Variants in SUPT3H observed in about 807,000 individuals in gnomAD.
SUPT3H encodes the protein transcription initiation protein SPT3 homolog.
SUPT3H carries 44 observed loss-of-function variants against 44.3 expected under a neutral mutation model. The ratio of observed to expected loss-of-function variants is 0.99; its 90% CI spans 0.78 to 1.28. The LOEUF is 1.28. SUPT3H is among the 50% of genes most tolerant of loss of function. The pLI, the probability that SUPT3H is intolerant of heterozygous loss-of-function variation, is 0.00. For synonymous variants in SUPT3H, 124 were observed against 125.6 expected (o/e 0.99, Z 0.09); for missense variants, 380 against 387.1 (o/e 0.98, Z 0.15).
chr6:45,105,154 G>A lies in SUPT3H; in HGVS notation c.186+768C>T, dbSNP rs557127810. Reference sequence around the variant, plus strand: ...TAAAGAAGGCATTTCAAATCACTAAGGAAAAGATAAATTTTAAAATACATG... The same window carrying A: ...TAAAGAAGGCATTTCAAATCACTAAAGAAAAGATAAATTTTAAAATACATG... On this transcript the variant is annotated intron_variant, in intron 3 of 10. Coordinates refer to ENST00000371459, the MANE Select transcript of SUPT3H (RefSeq NM_003599.4). 4.2e-4 allele frequency among the ~76,000 whole-genome samples: 63 copies of A among 151,728 alleles called. 1 individual carries two copies. The highest frequency in any genetic ancestry group is 7.4e-5 in the Non-Finnish European group (5 of 67,860).
intron 2 of SUPT3H, among the ~76,000 whole-genome samples, chr6:45,314,173 C>A (rs946605582): frequency 2.0e-5 from 3 of 152,094 alleles, no homozygotes; most frequent in Non-Finnish European, 2.9e-5. Flanking sequence ...ATGACAAAAC[C>A]ACAGCCAACA....
At chr6:45,097,119 G>A (rs959536108) in intron 3 of SUPT3H, among the ~76,000 whole-genome samples, 1 of 152,168 alleles carries the variant, frequency 6.6e-6, no homozygotes, top group African/African-American at 2.4e-5. Flanking sequence ...ATTTTTGACT[G>A]ACAGAAATCT....
intron 3 of SUPT3H, among the ~76,000 whole-genome samples, chr6:45,049,718 A>G (rs1176254151): frequency 6.6e-6 from 1 of 152,118 alleles, no homozygotes; most frequent in African/African-American, 2.4e-5. Flanking sequence ...GAAAACAAAC[A>G]AGCAAAAAAC....
chr6:45,119,405 T>C (rs1307457705), intron 2 of SUPT3H, among the ~76,000 whole-genome samples: 1 of 152,120 alleles, frequency 6.6e-6, no homozygotes, highest in East Asian at 1.9e-4. Context: ...GAAGAGAAGG[T>C]ATGAGGACGG....
intron 2 of SUPT3H, among the ~76,000 whole-genome samples, chr6:45,149,596 C>T (rs181124035): frequency 3.3e-5 from 5 of 152,210 alleles, no homozygotes; most frequent in African/African-American, 1.2e-4. Context: ...AGAAGAAAAG[C>T]TGAAATCACA....
chr6:44,820,504 G>T (rs758461203), intron 11 of SUPT3H, among the ~76,000 whole-genome samples: 4 of 152,184 alleles, frequency 2.6e-5, no homozygotes, highest in Non-Finnish European at 5.9e-5. Context: ...GGCTGGAGAA[G>T]AACCAGAGAA....
At chr6:45,313,410 G>A (rs1254537169) in intron 2 of SUPT3H, among the ~76,000 whole-genome samples, 1 of 152,024 alleles carries the variant, frequency 6.6e-6, no homozygotes, top group Admixed American at 6.6e-5. Flanking sequence ...GATTAACCAA[G>A]AAAAGAGAGA....
In SUPT3H at chr6:44,820,934, T is replaced by G. The variant is rs115235618; in HGVS notation, c.*52+8830A>C. On this transcript the variant is annotated intron_variant and NMD_transcript_variant, in intron 11 of 11. Coordinates refer to the SUPT3H transcript ENST00000475057. ...GGCACTATCCTAGCTCAGTGCTGCC[T>G]TGAACTCCTGGGCTCAAGCGATTCT... Among the ~76,000 whole-genome samples the G allele has an allele frequency of 8.5e-3, 1,295 of 152,310 alleles. 17 individuals are homozygous for G. The highest frequency in any genetic ancestry group is 0.029 in the African/African-American group (1,221 of 41,542).
intron 2 of SUPT3H, among the ~76,000 whole-genome samples, chr6:45,359,797 C>G (rs1437834202): frequency 6.6e-6 from 1 of 152,080 alleles, no homozygotes; most frequent in Non-Finnish European, 1.5e-5. Context: ...TAATCCCAAC[C>G]CTTTGGGAGG....
chr6:45,168,870 G>A (rs1810341982), intron 2 of SUPT3H, among the ~76,000 whole-genome samples: 1 of 152,170 alleles, frequency 6.6e-6, no homozygotes, highest in Non-Finnish European at 1.5e-5. Flanking sequence ...GCCATTCAAT[G>A]TCATAAAGAG....
At chr6:44,939,167 C>T (rs574639881) in intron 9 of SUPT3H, among the ~76,000 whole-genome samples, 1 of 152,098 alleles carries the variant, frequency 6.6e-6, no homozygotes, top group East Asian at 1.9e-4. Context: ...GGAACGCTTT[C>T]AACTTTTTCC....
intron 2 of SUPT3H, among the ~76,000 whole-genome samples, chr6:45,208,934 A>T (rs184127077): frequency 8.6e-5 from 13 of 151,610 alleles, no homozygotes; most frequent in African/African-American, 2.9e-4. Context: ...AGTTGAAGCC[A>T]GTGTTCATTT....
intron 10 of SUPT3H, among the ~76,000 whole-genome samples, chr6:44,911,377 A>C (rs1767020054): frequency 6.6e-6 from 1 of 152,198 alleles, no homozygotes; most frequent in African/African-American, 2.4e-5. Flanking sequence ...TATCTTCCAA[A>C]TTGTTCCAAA....
At chr6:44,915,416 A>G (rs185218217) in intron 10 of SUPT3H, among the ~76,000 whole-genome samples, 5 of 152,264 alleles carry the variant, frequency 3.3e-5, no homozygotes, top group Non-Finnish European at 5.9e-5. Flanking sequence ...TAAACCAAAG[A>G]TCATACTAGT....
intron 3 of SUPT3H, among the ~76,000 whole-genome samples, chr6:45,023,098 G>A (rs966020808): frequency 3.1e-4 from 47 of 152,020 alleles, no homozygotes; most frequent in African/African-American, 1.1e-3. Context: ...GCATTAAAAA[G>A]TGGGCAAAGG....
At chr6:45,310,929 A>T (rs1267354470) in intron 2 of SUPT3H, among the ~76,000 whole-genome samples, 1 of 152,204 alleles carries the variant, frequency 6.6e-6, no homozygotes, top group Non-Finnish European at 1.5e-5. Flanking sequence ...ACCAAGAAGA[A>T]ATCCCTCACT....
chr6:45,120,660 T>C (rs1801533628), intron 2 of SUPT3H, among the ~76,000 whole-genome samples: 1 of 151,990 alleles, frequency 6.6e-6, no homozygotes, highest in Non-Finnish European at 1.5e-5. Flanking sequence ...AAGGAATCTA[T>C]TAAAAGGCTG....
At chr6:45,071,773 G>T (rs927561536) in intron 3 of SUPT3H, among the ~76,000 whole-genome samples, 4 of 152,100 alleles carry the variant, frequency 2.6e-5, no homozygotes, top group Admixed American at 2.6e-4. Context: ...TCTATCAATT[G>T]CTTACTAAAG....
chr6:45,355,736 C>A (rs1474601868), intron 2 of SUPT3H, among the ~76,000 whole-genome samples: 1 of 152,050 alleles, frequency 6.6e-6, no homozygotes, highest in Non-Finnish European at 1.5e-5. Flanking sequence ...CATTAATATG[C>A]ACAAATTCTA....
Sources: gnomAD v4.1 joint callset for allele counts (sites outside exome capture counted in the v4.1 genomes callset) on GRCh38, gnomAD v4.1.1 for gene constraint, MANE v1.5 for transcripts, NCBI Gene and HGNC (gene_info 2026-07-23, HGNC 2026-07-21) for gene names.